NLRP8: variants seen among roughly 807,000 people sequenced by gnomAD.
The protein encoded by NLRP8 is NLR family pyrin domain containing 8.
In NLRP8, 86 loss-of-function variants were observed where a neutral mutation model predicts 88.7. That is an observed-to-expected ratio of 0.97 (90% confidence interval 0.81 to 1.16). NLRP8 has a LOEUF of 1.16. Ranked by LOEUF, NLRP8 falls within the 50% of genes most tolerant of loss-of-function variation. The pLI is 0.00. For synonymous variants in NLRP8, 504 were observed against 494.6 expected, an observed-to-expected ratio of 1.02 and a Z score of -0.25; for missense variants, 1,342 against 1,286.5, an observed-to-expected ratio of 1.04 and a Z score of -0.66.
intron 5 of NLRP8, among the ~76,000 whole-genome samples, chr19:55,968,696 T>C (rs1240181219): frequency 2.0e-5 from 3 of 149,264 alleles, no homozygotes; most frequent in Non-Finnish European, 4.5e-5. Flanking sequence ...GGCAAGATCA[T>C]ACCATTGCAC....
chr19:55,976,645 T>C (rs559014316), intron 8 of NLRP8, among the ~76,000 whole-genome samples: 1 of 151,666 alleles, frequency 6.6e-6, no homozygotes, highest in Non-Finnish European at 1.5e-5. Flanking sequence ...TAGACTGATA[T>C]CTGAGATGAC....
At chr19:55,987,368 T>C (rs1473089297) in intron 9 of NLRP8, among the ~76,000 whole-genome samples, 2 of 152,230 alleles carry the variant, frequency 1.3e-5, no homozygotes, top group Admixed American at 1.3e-4. Context: ...AGACTTCGTC[T>C]CAAGTAAAAA....
chr19:55,977,753 C>T (rs1293087118), intron 8 of NLRP8, among the ~76,000 whole-genome samples: 1 of 127,370 alleles, frequency 7.9e-6, no homozygotes, highest in Non-Finnish European at 1.8e-5. Context: ...TCTTTCAATC[C>T]AAATTTTTTG....
At position 55,987,715 on chromosome 19, in the gene NLRP8, G is replaced by A. The variant is rs116918966; in HGVS notation, c.3048-99G>A. 1,606 of 824,514 alleles carry A rather than the reference G, an allele frequency of 1.9e-3. 32 individuals carry two copies. In the East Asian group the frequency reaches 0.034, roughly 18 times the overall value. The allele number at this position is 824,514 out of a possible 1,614,324, so 51.1% of individuals were successfully genotyped here. On this transcript the variant is annotated intron_variant, in intron 9 of 9. Coordinates refer to ENST00000291971, the MANE Select transcript of NLRP8 (RefSeq NM_176811.2). ...TAGAAAGGTGAGGTGGGAGGGGTACGGTCTGTAGAAAAAGCATAGAGACAA... is the reference window on the plus strand; with the variant it reads ...TAGAAAGGTGAGGTGGGAGGGGTACAGTCTGTAGAAAAAGCATAGAGACAA...
At chr19:55,982,381 GC>G (rs138781351) in intron 9 of NLRP8, among the ~76,000 whole-genome samples, 11,669 of 152,210 alleles carry the variant, frequency 0.077, 520 homozygotes, top group African/African-American at 0.11. Context: ...AGATTTGGAA[GC>G]ACCTAAGTGT....
intron 2 of NLRP8, among the ~76,000 whole-genome samples, chr19:55,952,854 A>C (rs551756199): frequency 3.9e-5 from 6 of 152,136 alleles, no homozygotes; most frequent in Non-Finnish European, 8.8e-5. Context: ...TGAACCCGGG[A>C]GGCGGAGGGT....
At chr19:55,986,882 G>C (rs1980868960) in intron 9 of NLRP8, among the ~76,000 whole-genome samples, 1 of 152,144 alleles carries the variant, frequency 6.6e-6, no homozygotes, top group Non-Finnish European at 1.5e-5. Flanking sequence ...CTGCTGATTA[G>C]AACCCGCGTA....
intron 1 of NLRP8, among the ~76,000 whole-genome samples, chr19:55,950,201 A>G (rs1196003480): frequency 1.3e-5 from 2 of 151,498 alleles, no homozygotes; most frequent in African/African-American, 4.9e-5. Context: ...ACCCAAGGTC[A>G]GGAGTTCAAG....
At chr19:55,954,154 G>A (rs919356723) in intron 2 of NLRP8, among the ~76,000 whole-genome samples, 7 of 152,120 alleles carry the variant, frequency 4.6e-5, no homozygotes, top group African/African-American at 1.7e-4. Context: ...CACTACAGCA[G>A]CGATCTTCTA....
intron 6 of NLRP8, among the ~76,000 whole-genome samples, chr19:55,973,289 G>A (rs1323239535): frequency 6.6e-6 from 1 of 151,686 alleles, no homozygotes; most frequent in Non-Finnish European, 1.5e-5. Flanking sequence ...ACTTTTTGAT[G>A]GGATTTTTTT....
chr19:55,976,027 A>G (rs1980296657), intron 7 of NLRP8, 106 bp from the exon 8 acceptor site: 1 of 1,126,598 alleles, frequency 8.9e-7, no homozygotes, highest in East Asian at 2.6e-5. Context: ...TAAAAACAGA[A>G]CCCAAAAACA....
rs201210548 is a variant in NLRP8 at position 55,956,036 on chromosome 19, C to G, written c.1978C>G (p.Leu660Val). Residue 660 changes from leucine to valine, a missense_variant, in exon 3 of 10, where the codon CTG (leucine) becomes GTG (valine). By Grantham distance (32) the Leu-to-Val change is conservative (BLOSUM62 1). Transcript: ENST00000291971. ...GTGTCAATATTTGCATGAGGTGGAA[C>G]TGACCGTCACCCTGAACTTCATGAA... 3 of 1,614,168 alleles carry G rather than the reference C, an allele frequency of 1.9e-6. No homozygotes were observed. The highest frequency in any genetic ancestry group is 2.2e-5 in the South Asian group (2 of 91,078).
At chr19:55,972,643 T>A (rs1350863402) in intron 6 of NLRP8, among the ~76,000 whole-genome samples, 2 of 151,850 alleles carry the variant, frequency 1.3e-5, no homozygotes, top group Non-Finnish European at 2.9e-5. Flanking sequence ...TGTGTCCTCA[T>A]AGCTTAGCTC....
chr19:55,966,204 C>T lies in NLRP8; in HGVS notation c.2214-9C>T, dbSNP rs757396714. 6.2e-7 allele frequency: 1 copy of T among 1,613,226 alleles called. No homozygotes were observed. The highest frequency in any genetic ancestry group is 8.5e-7 in the Non-Finnish European group (1 of 1,179,446). On this transcript the variant is annotated splice_polypyrimidine_tract_variant and intron_variant, in intron 4 of 9. Transcript: ENST00000291971. ...ACCCTATTCCAAGGAGACGCTCTTC[C>T]CTCTCCAGCCTAAGGCGTGTGAATA...
At chr19:55,960,258 C>T (rs1979549653) in intron 3 of NLRP8, among the ~76,000 whole-genome samples, 1 of 152,182 alleles carries the variant, frequency 6.6e-6, no homozygotes, top group Non-Finnish European at 1.5e-5. Flanking sequence ...TGTTCAGCTG[C>T]TAGCGAGACC....
At chr19:55,987,275 C>T (rs1423576619) in intron 9 of NLRP8, among the ~76,000 whole-genome samples, 1 of 152,164 alleles carries the variant, frequency 6.6e-6, no homozygotes, top group African/African-American at 2.4e-5. Context: ...GAGGCTGAGA[C>T]GGGAGAATCG....
At position 55,988,222 on chromosome 19, in the gene NLRP8, C is replaced by T. The variant is rs6509978; in HGVS notation, c.*309C>T. 0.28 allele frequency: 42,890 copies of T among 153,652 alleles called. 5,943 individuals carry two copies. Among genetic ancestry groups the T allele is most frequent in the African/African-American group, 0.3 (11,987 of 40,548 alleles). 9.5% of individuals were successfully genotyped at this position (153,652 alleles called of 1,614,324 possible). A position where few individuals can be genotyped will look rare whatever the true frequency, so the allele number is the denominator to read the frequency against. On this transcript the variant is annotated 3_prime_UTR_variant, in exon 10 of 10. Transcript: ENST00000291971. The stretch of plus-strand genomic sequence containing the variant: ...GCCTGGCCAACATGGTGAAACCCCG[C>T]CTCTACTAAAAAAAAAAATACAAAA...
At chr19:55,962,433 G>C (rs61462346) in intron 4 of NLRP8, among the ~76,000 whole-genome samples, 196 bp downstream of exon 4, 3 of 152,194 alleles carry the variant, frequency 2.0e-5, no homozygotes, top group Admixed American at 6.5e-5. Flanking sequence ...CTGACGGCTC[G>C]ATCTGTCTCT....
intron 4 of NLRP8, among the ~76,000 whole-genome samples, chr19:55,962,602 T>C (rs991127349): frequency 6.6e-6 from 1 of 152,120 alleles, no homozygotes; most frequent in Non-Finnish European, 1.5e-5. Context: ...ATCCATAAAA[T>C]GTTCAGCCCG....
Sources: allele counts gnomAD v4.1 joint callset (sites outside exome capture counted in the v4.1 genomes callset), GRCh38; gene constraint gnomAD v4.1.1; transcripts MANE v1.5; gene names NCBI Gene and HGNC (gene_info 2026-07-23, HGNC 2026-07-21).